The following KAT6A variants were observed in gnomAD, a reference collection of about 807,000 sequenced individuals.
KAT6A encodes lysine acetyltransferase 6A.
In KAT6A, 9 loss-of-function variants were observed where a neutral mutation model predicts 198.4. That is an observed-to-expected ratio of 0.05 (90% confidence interval 0.03 to 0.08). KAT6A has a LOEUF of 0.08. Ranked by LOEUF, KAT6A falls within the 10% of genes least tolerant of loss-of-function variation. KAT6A has a pLI of 1.00. For missense variants in KAT6A, 2,077 were observed against 2,509.9 expected (o/e 0.83, Z 3.69); for synonymous variants, 890 against 883.0 (o/e 1.01, Z -0.14).
chr8:42,050,497 G>A (rs1380839474), intron 1 of KAT6A, among the ~76,000 whole-genome samples: 1 of 152,016 alleles, frequency 6.6e-6, no homozygotes, highest in Non-Finnish European at 1.5e-5. Context: ...AAAATCAAAC[G>A]GAAAACTAAT....
At chr8:42,040,891 T>C (rs997609445) in intron 2 of KAT6A, among the ~76,000 whole-genome samples, 6 of 151,808 alleles carry the variant, frequency 4.0e-5, no homozygotes, top group Admixed American at 3.9e-4. Flanking sequence ...AAAATCATTG[T>C]GCTCATAGGT....
chr8:42,019,822 A>G (rs890122319), intron 2 of KAT6A, among the ~76,000 whole-genome samples: 1 of 152,216 alleles, frequency 6.6e-6, no homozygotes, highest in African/African-American at 2.4e-5. Context: ...TTTCCCCCAT[A>G]TAATAGAAGG....
chr8:41,944,600 GTATTTTTACTGT>G (rs2150863963), intron 12 of KAT6A, among the ~76,000 whole-genome samples: 1 of 152,250 alleles, frequency 6.6e-6, no homozygotes, highest in South Asian at 2.1e-4. Context: ...GCAGAGAAAG[GTATTTTTACTGT>G]CATTAAAGAA....
At chr8:41,988,280 T>C (rs1824728176) in intron 2 of KAT6A, among the ~76,000 whole-genome samples, 1 of 152,080 alleles carries the variant, frequency 6.6e-6, no homozygotes, top group Non-Finnish European at 1.5e-5. Context: ...GCTTCTGCTA[T>C]AAGGGAGGGG....
At chr8:42,046,696 T>A (rs956030922) in intron 2 of KAT6A, among the ~76,000 whole-genome samples, 10 of 152,204 alleles carry the variant, frequency 6.6e-5, no homozygotes, top group Admixed American at 2.0e-4. Flanking sequence ...GTATTTAAAT[T>A]CAGCCACATG....
intron 8 of KAT6A, among the ~76,000 whole-genome samples, chr8:41,972,483 T>C (rs960888683): frequency 6.6e-6 from 1 of 152,182 alleles, no homozygotes; most frequent in Non-Finnish European, 1.5e-5. Flanking sequence ...GCAGCACTTG[T>C]GATGAGAACT....
intron 8 of KAT6A, among the ~76,000 whole-genome samples, chr8:41,972,049 T>C (rs1221889514): frequency 6.6e-6 from 1 of 152,198 alleles, no homozygotes; most frequent in Non-Finnish European, 1.5e-5. Context: ...ATAAAAATGA[T>C]GATGATGTGT....
At chr8:42,036,692 T>TA (rs1827395622) in intron 2 of KAT6A, among the ~76,000 whole-genome samples, 1 of 151,892 alleles carries the variant, frequency 6.6e-6, no homozygotes, top group Non-Finnish European at 1.5e-5. Context: ...GAATGTGCCA[T>TA]AAGGCCAAGC....
At position 41,949,319 on chromosome 8, in the gene KAT6A, T is replaced by C; in HGVS notation, c.1643A>G (p.Lys548Arg). 1 of 1,568,904 alleles carries C rather than the reference T, an allele frequency of 6.4e-7. No individual in the cohort carries two copies. The highest frequency in any genetic ancestry group is 1.2e-5 in the South Asian group (1 of 81,784). The change falls in exon 10 of 17, where the codon AAA becomes AGA. Residue 548 changes from lysine (K) to arginine (R), a missense_variant. Physicochemically the swap from Lys to Arg is conservative, Grantham distance 26. Transcript: ENST00000265713. Reference sequence around the variant, plus strand: ...GTGCTGCTGCAGAATAGTTCTACTTTTCATATATTTTAGACAAAATTCACA... The same window carrying C: ...GTGCTGCTGCAGAATAGTTCTACTTCTCATATATTTTAGACAAAATTCACA... ...YLCEFCLKYM[K>R]SRTILQQHMK...
At chr8:41,955,819 GACA>G (rs1822892321) in intron 8 of KAT6A, among the ~76,000 whole-genome samples, 1 of 152,176 alleles carries the variant, frequency 6.6e-6, no homozygotes, top group African/African-American at 2.4e-5. Context: ...TGCCTCCGCT[GACA>G]ACAATGGAGA....
At chr8:42,033,235 C>T (rs1402002569) in intron 2 of KAT6A, among the ~76,000 whole-genome samples, 1 of 152,026 alleles carries the variant, frequency 6.6e-6, no homozygotes, top group African/African-American at 2.4e-5. Flanking sequence ...CTGATGTGTT[C>T]CTGGCCCTGT....
At chr8:42,039,743 T>C (rs1475001547) in intron 2 of KAT6A, among the ~76,000 whole-genome samples, 1 of 150,780 alleles carries the variant, frequency 6.6e-6, no homozygotes, top group Non-Finnish European at 1.5e-5. Context: ...TTAATTTTTG[T>C]TTTTTTTTGA....
chr8:41,949,857 C>T (rs13260358), intron 9 of KAT6A, among the ~76,000 whole-genome samples: 103,256 of 152,090 alleles, frequency 0.68, 35,501 homozygotes, highest in African/African-American at 0.8. Context: ...AGAGGGCACA[C>T]GCTTTTTCCC....
intron 2 of KAT6A, among the ~76,000 whole-genome samples, chr8:42,041,495 G>C (rs1490037007): frequency 6.6e-6 from 1 of 152,198 alleles, no homozygotes; most frequent in East Asian, 1.9e-4. Flanking sequence ...CTAGCACTTT[G>C]GGAGGCGGAG....
intron 2 of KAT6A, among the ~76,000 whole-genome samples, chr8:42,019,007 T>TA (rs1336178224): frequency 6.6e-6 from 1 of 152,162 alleles, no homozygotes; most frequent in Non-Finnish European, 1.5e-5. Context: ...GAATTTAACT[T>TA]AAATTCCTAA....
chr8:42,004,763 T>C (rs1825656034), intron 2 of KAT6A, among the ~76,000 whole-genome samples: 1 of 151,844 alleles, frequency 6.6e-6, no homozygotes, highest in Admixed American at 6.6e-5. Context: ...CTATCTCTAA[T>C]AAAAATACAA....
intron 2 of KAT6A, among the ~76,000 whole-genome samples, chr8:42,005,167 T>C (rs1334614864): frequency 6.6e-6 from 1 of 152,214 alleles, no homozygotes; most frequent in Non-Finnish European, 1.5e-5. Context: ...AAAGCCATTA[T>C]AAATATTCGT....
chr8:42,030,994 CAA>C (rs1827082066), intron 2 of KAT6A, among the ~76,000 whole-genome samples: 2 of 109,416 alleles, frequency 1.8e-5, no homozygotes, highest in Non-Finnish European at 3.4e-5. Context: ...AAGTAAGATG[CAA>C]AAGAGTATGT....
intron 2 of KAT6A, among the ~76,000 whole-genome samples, chr8:42,027,811 C>G (rs1206120312): frequency 6.6e-6 from 1 of 151,830 alleles, no homozygotes; most frequent in African/African-American, 2.4e-5. Flanking sequence ...TTTCTTTCTA[C>G]TAATTTGAGG....
Sources: allele counts gnomAD v4.1 joint callset (sites outside exome capture counted in the v4.1 genomes callset), GRCh38; gene constraint gnomAD v4.1.1; transcripts MANE v1.5; gene names NCBI Gene and HGNC (gene_info 2026-07-23, HGNC 2026-07-21).